The following KIFC2 variants were observed in gnomAD, a reference collection of about 807,000 sequenced individuals.
KIFC2 encodes the protein kinesin-like protein KIFC2.
KIFC2 carries 94 observed loss-of-function variants against 91.5 expected under a neutral mutation model. The ratio of observed to expected loss-of-function variants is 1.03; its 90% CI spans 0.87 to 1.22. The LOEUF is 1.22. Ranked by LOEUF, KIFC2 falls within the 50% of genes most tolerant of loss-of-function variation. The probability of loss-of-function intolerance (pLI) is 0.00; values close to 1 mark genes in which losing one functional copy is unlikely to be tolerated. For synonymous variants in KIFC2, 729 were observed against 503.9 expected, an observed-to-expected ratio of 1.45 and a Z score of -5.98; for missense variants, 1,357 against 1,103.3, an observed-to-expected ratio of 1.23 and a Z score of -3.26.
At chr8:144,466,703 A>G in intron 1 of KIFC2, 57 bp from the exon 2 acceptor site, 1 of 1,371,550 alleles carries the variant, frequency 7.3e-7, no homozygotes, top group Non-Finnish European at 9.7e-7. Context: ...TCGCGGAGGG[A>G]AGGGGCCAGC....
At chr8:144,468,084 G>A (rs999957586) in intron 7 of KIFC2, 97 bp downstream of exon 7, 4 of 1,418,240 alleles carry the variant, frequency 2.8e-6, no homozygotes, top group Middle Eastern at 2.5e-4. Context: ...GACCTCCCGG[G>A]ATGGTCTGTG....
rs1297896263 is a variant in KIFC2, at chr8:144,472,562, C to T, written c.1732-15C>T. 10 of 1,611,744 alleles carry T rather than the reference C, an allele frequency of 6.2e-6. No homozygotes were observed. Among genetic ancestry groups the T allele is most frequent in the Non-Finnish European group, 8.5e-6 (10 of 1,179,812 alleles). ...GGGACCCTGCACCTGACCAGCCCTT[C>T]GCCCCGCCTTCCAGATGCTGAAACT... On this transcript the variant is annotated splice_polypyrimidine_tract_variant and intron_variant, in intron 15 of 17. Coordinates refer to ENST00000645548, the MANE Select transcript of KIFC2 (RefSeq NM_001369769.2).
chr8:144,466,778 G>A lies in KIFC2; in HGVS notation c.118G>A (p.Gly40Ser). Residue 40 changes from glycine to serine, a missense_variant, in exon 2 of 18, where the codon GGT (glycine) becomes AGT (serine). By Grantham distance (56) the Gly-to-Ser change is moderately conservative (BLOSUM62 0). Coordinates refer to ENST00000645548, the MANE Select transcript of KIFC2 (RefSeq NM_001369769.2). ...DPAQRARKPR[G>S]RRRPDLPAPE... Reference sequence around the variant, plus strand: ...TCCCTAGAGAGCCCGCAAGCCCCGGGGTCGCCGGCGCCCAGACCTGCCCGC... The same window carrying A: ...TCCCTAGAGAGCCCGCAAGCCCCGGAGTCGCCGGCGCCCAGACCTGCCCGC... The A allele has an allele frequency of 1.3e-6, 2 of 1,532,886 alleles. No homozygotes were observed. Among genetic ancestry groups the A allele is most frequent in the Admixed American group, 1.9e-5 (1 of 51,348 alleles). The allele number at this position is 1,532,886 out of a possible 1,614,324, so 95.0% of individuals were successfully genotyped here.
In KIFC2 at chr8:144,474,166, C is replaced by T. The variant is rs770161398; in HGVS notation, c.*777C>T. ...AGGCTGCTGTGGTCGCAGACAGCCG[C>T]CTCGCCTTGGCTCCCTGTCAACAAG... On this transcript the variant is annotated 3_prime_UTR_variant, in exon 18 of 18. Coordinates refer to ENST00000645548, the MANE Select transcript of KIFC2 (RefSeq NM_001369769.2). 9.7e-6 allele frequency: 12 copies of T among 1,236,450 alleles called. No homozygotes were observed. The highest frequency in any genetic ancestry group is 1.5e-5 in the African/African-American group (1 of 66,052). 76.6% of individuals were successfully genotyped at this position (1,236,450 alleles called of 1,614,324 possible). A position where few individuals can be genotyped will look rare whatever the true frequency, so the allele number is the denominator to read the frequency against.
chr8:144,468,468 G>T, intron 8 of KIFC2, 62 bp downstream of exon 8: 1 of 1,412,940 alleles, frequency 7.1e-7, no homozygotes. Flanking sequence ...TTTGGGAGGG[G>T]CTTATCTGAG....
chr8:144,467,661 G>C (rs375886687), intron 5 of KIFC2, 31 bp downstream of exon 5: 1 of 1,605,946 alleles, frequency 6.2e-7, no homozygotes, highest in Non-Finnish European at 8.5e-7. Flanking sequence ...AGGGATTGCC[G>C]GCTGGGACGC....
intron 5 of KIFC2, 24 bp downstream of exon 5, chr8:144,467,654 G>A (rs776926926): frequency 1.2e-6 from 2 of 1,604,976 alleles, no homozygotes; most frequent in African/African-American, 2.7e-5. Context: ...AGCCAGAAGG[G>A]ATTGCCGGCT....
chr8:144,472,949 A>C lies in KIFC2; in HGVS notation c.2016A>C (p.Ala672=). The change falls in exon 17 of 18, where the codon GCA becomes GCC. Residue 672 remains alanine, a synonymous_variant. Transcript: ENST00000645548. ...SLLALGGVMA[A]LRAHRPHVPF... ...TGGCGCTAGGAGGCGTGATGGCCGCACTGCGGGCCCACCGGCCGCACGTGC... is the reference window on the plus strand; with the variant it reads ...TGGCGCTAGGAGGCGTGATGGCCGCCCTGCGGGCCCACCGGCCGCACGTGC... 1 of 1,473,380 alleles carries C rather than the reference A, an allele frequency of 6.8e-7. No individual in the cohort carries two copies. The highest frequency in any genetic ancestry group is 1.3e-5 in the South Asian group (1 of 75,838). 91.3% of individuals were successfully genotyped at this position (1,473,380 alleles called of 1,614,324 possible).
chr8:144,468,904 TC>T (rs1191767310), intron 10 of KIFC2, 70 bp downstream of exon 10: 308 of 1,317,670 alleles, frequency 2.3e-4, no homozygotes, highest in Non-Finnish European at 1.9e-4. Flanking sequence ...ACGGGGGCGT[TC>T]CTGGGGAGTT....
chr8:144,470,148 C>T (rs1266605876), intron 12 of KIFC2, among the ~76,000 whole-genome samples: 2 of 152,268 alleles, frequency 1.3e-5, no homozygotes, highest in African/African-American at 2.4e-5. Flanking sequence ...GAGATGGCAG[C>T]TCAGAGCCAG....
Position 144,472,541 on chromosome 8 carries a change from C to T in KIFC2, c.1732-36C>T, listed in dbSNP as rs565803581. 112 of 1,612,040 alleles carry T rather than the reference C, an allele frequency of 6.9e-5. 2 individuals are homozygous for T. In the African/African-American group the frequency reaches 7.3e-4, roughly 11 times the overall value. ...CCGTGCTTCCACTTGGGGGCGGGGA[C>T]CCTGCACCTGACCAGCCCTTCGCCC... On this transcript the variant is annotated intron_variant, in intron 15 of 17. Coordinates refer to ENST00000645548, the MANE Select transcript of KIFC2 (RefSeq NM_001369769.2).
Position 144,473,680 on chromosome 8 carries a change from C to A in KIFC2, c.*291C>A. The A allele has an allele frequency of 2.0e-6, 1 of 488,566 alleles. No homozygotes were observed. The highest frequency in any genetic ancestry group is 3.5e-6 in the Non-Finnish European group (1 of 283,018). 30.3% of individuals were successfully genotyped at this position (488,566 alleles called of 1,614,324 possible). ...CACAGCAGGGAATCCCAGGCCCCCC[C>A]GCCAAGTGGTTACCCAAGTCACCAC... is the stretch of plus-strand genomic sequence containing the variant. On this transcript the variant is annotated 3_prime_UTR_variant, in exon 18 of 18. Transcript: ENST00000645548.
Position 144,473,661 on chromosome 8 carries a change from A to G in KIFC2, c.*272A>G. The G allele has an allele frequency of 2.0e-6, 1 of 500,186 alleles. No homozygotes were observed. The highest frequency in any genetic ancestry group is 3.4e-5 in the East Asian group (1 of 29,130). The allele number at this position is 500,186 out of a possible 1,614,324, so 31.0% of individuals were successfully genotyped here. On this transcript the variant is annotated 3_prime_UTR_variant, in exon 18 of 18. Coordinates refer to ENST00000645548, the MANE Select transcript of KIFC2 (RefSeq NM_001369769.2). ...ATTTGCTGTTATCACGGCACACAGC[A>G]GGGAATCCCAGGCCCCCCCGCCAAG...
Position 144,472,805 on chromosome 8 carries a change from C to T in KIFC2, c.1872C>T (p.His624=), listed in dbSNP as rs777935528. Residue 624 remains histidine (H), a synonymous_variant, in exon 17 of 18, where the codon CAC becomes CAT. Transcript: ENST00000645548. ...CGCTCGCCCCTCTAGGCACGCTGCA[C>T]CTGGTGGACCTGGCGGGATCCGAAC... ...PRAPGTAGTL[H]LVDLAGSERA... 1.3e-5 allele frequency: 20 copies of T among 1,587,824 alleles called. No individual in the cohort carries two copies. The highest frequency in any genetic ancestry group is 1.5e-5 in the Non-Finnish European group (18 of 1,175,728).
In KIFC2 at chr8:144,467,740, A is replaced by G. The variant is rs1824740820; in HGVS notation, c.642A>G (p.Glu214=). ...GQLEELKQQL[E]QQEEELGRLR... ...TGGAGGAGCTGAAGCAGCAGCTGGAACAGCAGGAGGAGGAGTTGGGTCGAC... is the reference window on the plus strand; with the variant it reads ...TGGAGGAGCTGAAGCAGCAGCTGGAGCAGCAGGAGGAGGAGTTGGGTCGAC... Residue 214 remains glutamate (E), a synonymous_variant, in exon 6 of 18, where the codon GAA becomes GAG. Coordinates refer to ENST00000645548, the MANE Select transcript of KIFC2 (RefSeq NM_001369769.2). The G allele has an allele frequency of 1.2e-6, 2 of 1,613,870 alleles. No individual in the cohort carries two copies. Among genetic ancestry groups the G allele is most frequent in the South Asian group, 2.2e-5 (2 of 91,084 alleles).
In KIFC2 at chr8:144,472,686, C is replaced by G. The variant is rs1358503358; in HGVS notation, c.1841C>G (p.Pro614Arg). ...CTGACGCTGCGCGCGGCGTCTCCAC[C>G]GCGCGCTCCAGGCACCGCAGGTACC... Reference protein sequence around the residue: ...VTLTLRAASPPRAPGTAGTLH... With the variant: ...VTLTLRAASPRRAPGTAGTLH... The change falls in exon 16 of 18, where the codon CCG becomes CGG. Residue 614 changes from proline to arginine, a missense_variant. Pro to Arg is a moderately radical substitution (Grantham distance 103, BLOSUM62 -2). Transcript: ENST00000645548. The G allele has an allele frequency of 6.3e-7, 1 of 1,595,458 alleles. No homozygotes were observed. Among genetic ancestry groups the G allele is most frequent in the Admixed American group, 1.7e-5 (1 of 59,638 alleles).
At chr8:144,469,910 T>G (rs1824860294) in intron 12 of KIFC2, among the ~76,000 whole-genome samples, 1 of 152,238 alleles carries the variant, frequency 6.6e-6, no homozygotes, top group African/African-American at 2.4e-5. Context: ...GGGCCCCTCA[T>G]TGCTTTATGG....
chr8:144,472,748 AC>A, intron 16 of KIFC2, 42 bp downstream of exon 16: 1 of 1,591,640 alleles, frequency 6.3e-7, no homozygotes. Context: ...TCTCCAGAGC[AC>A]CCGAGGCCCG....
At position 144,469,490 on chromosome 8, in the gene KIFC2, G is replaced by T; in HGVS notation, c.1223G>T (p.Gly408Val). The T allele has an allele frequency of 6.2e-7, 1 of 1,614,024 alleles. No homozygotes were observed. Among genetic ancestry groups the T allele is most frequent in the Non-Finnish European group, 8.5e-7 (1 of 1,180,014 alleles). The part of the protein sequence containing the change: ...GCPGRLPELK[G>V]NIRVLCRLRP... ...TATGCTGACCTGATCCCCACTGCAGGAAATATCCGTGTGCTGTGTCGGCTG... is the reference window on the plus strand; with the variant it reads ...TATGCTGACCTGATCCCCACTGCAGTAAATATCCGTGTGCTGTGTCGGCTG... Residue 408 changes from glycine (G) to valine (V), a missense_variant and splice_region_variant, in exon 12 of 18, where the codon GGA becomes GTA. Gly to Val is a moderately radical substitution (Grantham distance 109). Transcript: ENST00000645548.
Sources: gnomAD v4.1 joint callset for allele counts (sites outside exome capture counted in the v4.1 genomes callset) on GRCh38, gnomAD v4.1.1 for gene constraint, MANE v1.5 for transcripts, NCBI Gene and HGNC (gene_info 2026-07-23, HGNC 2026-07-21) for gene names.